Variants in PRKAR1B observed in about 807,000 individuals in gnomAD.
The protein encoded by PRKAR1B is protein kinase cAMP-dependent type I regulatory subunit beta.
In PRKAR1B, 22 loss-of-function variants were observed where a neutral mutation model predicts 46.5. The observed-to-expected ratio is 0.47, with a 90% CI of 0.34 to 0.68. The LOEUF (loss-of-function observed/expected upper bound fraction) is 0.68, where lower values mean the gene tolerates loss of function less well. PRKAR1B is among the 30% of genes least tolerant of loss of function. The probability of loss-of-function intolerance (pLI) is 0.01; values close to 1 mark genes in which losing one functional copy is unlikely to be tolerated. For missense variants in PRKAR1B, 445 were observed against 535.6 expected (o/e 0.83, Z 1.67); for synonymous variants, 259 against 217.7 (o/e 1.19, Z -1.67).
At chr7:705,152 C>T (rs1182773187) in intron 2 of PRKAR1B, among the ~76,000 whole-genome samples, 3 of 151,652 alleles carry the variant, frequency 2.0e-5, no homozygotes, top group Non-Finnish European at 4.4e-5. Flanking sequence ...ACTAGCTAGG[C>T]ATGGTGGCAC....
intron 2 of PRKAR1B, among the ~76,000 whole-genome samples, chr7:680,979 C>T (rs367560419): frequency 2.7e-4 from 40 of 150,448 alleles, no homozygotes; most frequent in African/African-American, 9.1e-4. Flanking sequence ...AATTGTAATC[C>T]CCATCATCCC....
intron 9 of PRKAR1B, among the ~76,000 whole-genome samples, chr7:577,078 G>A (rs1185078994): frequency 6.6e-6 from 1 of 151,450 alleles, no homozygotes; most frequent in African/African-American, 2.4e-5. Flanking sequence ...AATGCCATCA[G>A]CGGCCTCATC....
intron 4 of PRKAR1B, among the ~76,000 whole-genome samples, chr7:646,974 C>G (rs1011773539): frequency 6.6e-6 from 1 of 152,166 alleles, no homozygotes; most frequent in African/African-American, 2.4e-5. Context: ...AGGGGTGACA[C>G]TGCCCCCCAC....
At chr7:668,683 G>C (rs903931752) in intron 4 of PRKAR1B, among the ~76,000 whole-genome samples, 15 of 152,140 alleles carry the variant, frequency 9.9e-5, no homozygotes, top group Non-Finnish European at 2.1e-4. Context: ...CAGGGCCAAG[G>C]GCACAGGACC....
intron 8 of PRKAR1B, among the ~76,000 whole-genome samples, chr7:583,115 G>GGGGCACT (rs1049891570): frequency 2.6e-5 from 4 of 152,066 alleles, no homozygotes; most frequent in Non-Finnish European, 4.4e-5. Context: ...GGGTGAGGAC[G>GGGGCACT]GGGCTCTGGG....
chr7:616,493 G>T (rs1438878182), intron 4 of PRKAR1B, among the ~76,000 whole-genome samples: 1 of 152,256 alleles, frequency 6.6e-6, no homozygotes, highest in Non-Finnish European at 1.5e-5. Context: ...CTCCGGAGCT[G>T]CGTCCTGCCA....
Position 586,099 on chromosome 7 carries a change from GC to G in PRKAR1B, c.709-1532del, listed in dbSNP as rs1328279763. 2.0e-5 allele frequency among the ~76,000 whole-genome samples: 3 copies of G among 152,210 alleles called. No individual in the cohort carries two copies. In the East Asian group the frequency reaches 5.8e-4, roughly 29 times the overall value. On this transcript the variant is annotated intron_variant, in intron 7 of 10. Coordinates refer to ENST00000537384, the MANE Select transcript of PRKAR1B (RefSeq NM_001164760.2). ...GCTGGGGCTGCAGCAGCCATCCTGGGCCCCTGAGGAGCATCAGTAAGAGAAA... is the reference window on the plus strand; with the variant it reads ...GCTGGGGCTGCAGCAGCCATCCTGGGCCCTGAGGAGCATCAGTAAGAGAAA...
intron 4 of PRKAR1B, among the ~76,000 whole-genome samples, chr7:637,078 G>C (rs1376783878): frequency 1.3e-5 from 2 of 152,184 alleles, no homozygotes; most frequent in African/African-American, 2.4e-5. Context: ...TTGAGCTCAG[G>C]ACTTTGAGAC....
chr7:614,627 G>A (rs562542205), intron 4 of PRKAR1B, among the ~76,000 whole-genome samples: 3 of 152,216 alleles, frequency 2.0e-5, no homozygotes, highest in African/African-American at 7.2e-5. Context: ...TTGGCTGGGC[G>A]TGGCCAGGCA....
At chr7:715,818 C>G (rs1224539448) in intron 1 of PRKAR1B, among the ~76,000 whole-genome samples, 32 of 151,992 alleles carry the variant, frequency 2.1e-4, no homozygotes, top group African/African-American at 6.5e-4. Context: ...CGGGTTCACG[C>G]CATTCTCCTG....
At chr7:638,124 C>A (rs1357124501) in intron 4 of PRKAR1B, among the ~76,000 whole-genome samples, 1 of 152,200 alleles carries the variant, frequency 6.6e-6, no homozygotes, top group East Asian at 1.9e-4. Flanking sequence ...GCGTGGGCAC[C>A]CAGCAGGCAC....
intron 7 of PRKAR1B, among the ~76,000 whole-genome samples, chr7:595,754 C>T (rs1033579870): frequency 6.6e-6 from 1 of 152,262 alleles, no homozygotes; most frequent in Non-Finnish European, 1.5e-5. Context: ...TCAGTCCCCA[C>T]ACACAGGAAG....
At chr7:585,547 A>T (rs1035085389) in intron 7 of PRKAR1B, among the ~76,000 whole-genome samples, 1 of 152,054 alleles carries the variant, frequency 6.6e-6, no homozygotes, top group Non-Finnish European at 1.5e-5. Flanking sequence ...GAGAGACGAC[A>T]TGCTAGTGAT....
intron 2 of PRKAR1B, among the ~76,000 whole-genome samples, chr7:692,973 T>C (rs113275895): frequency 0.15 from 22,214 of 151,470 alleles, 1,779 homozygotes; most frequent in South Asian, 0.24. Context: ...CTCGCTCTGT[T>C]GCCCAGGCTG....
intron 2 of PRKAR1B, among the ~76,000 whole-genome samples, chr7:686,629 G>A (rs1336189734): frequency 6.6e-6 from 1 of 152,138 alleles, no homozygotes. Flanking sequence ...GTTAATGACT[G>A]ACTAGGTTGT....
intron 7 of PRKAR1B, among the ~76,000 whole-genome samples, chr7:586,970 A>C (rs1468576065): frequency 7.0e-6 from 1 of 143,806 alleles, no homozygotes; most frequent in East Asian, 2.1e-4. Flanking sequence ...TGCAAGCTCC[A>C]ACTCCCGGGT....
chr7:703,708 C>A (rs1387188674), intron 2 of PRKAR1B, among the ~76,000 whole-genome samples: 2 of 151,552 alleles, frequency 1.3e-5, no homozygotes, highest in East Asian at 1.9e-4. Flanking sequence ...CCTGAACAAC[C>A]CCTCAAACAA....
intron 4 of PRKAR1B, among the ~76,000 whole-genome samples, chr7:670,324 G>A (rs1455114878): frequency 6.6e-6 from 1 of 152,128 alleles, no homozygotes; most frequent in Non-Finnish European, 1.5e-5. Context: ...CTGCAACCAC[G>A]CCAGGCCAGG....
intron 4 of PRKAR1B, among the ~76,000 whole-genome samples, chr7:616,124 G>A (rs1379722672): frequency 6.6e-6 from 1 of 152,170 alleles, no homozygotes; most frequent in Non-Finnish European, 1.5e-5. Flanking sequence ...TGCACACGCA[G>A]AACACACTGG....
Sources: gnomAD v4.1 joint callset for allele counts (sites outside exome capture counted in the v4.1 genomes callset) on GRCh38, gnomAD v4.1.1 for gene constraint, MANE v1.5 for transcripts, NCBI Gene and HGNC (gene_info 2026-07-23, HGNC 2026-07-21) for gene names.